The following PRPF8 variants were observed in gnomAD, a reference collection of about 807,000 sequenced individuals.
The protein encoded by PRPF8 is pre-mRNA processing factor 8, also known as pre-mRNA-processing-splicing factor 8.
A neutral mutation model predicts 285.9 loss-of-function variants in PRPF8; 64 were observed. That is an observed-to-expected ratio of 0.22 (90% CI 0.18 to 0.28). PRPF8 has a LOEUF of 0.28. Among genes scored for constraint, PRPF8 ranks in the 10% least tolerant of loss-of-function variants. The pLI, the probability that PRPF8 is intolerant of heterozygous loss-of-function variation, is 1.00. For missense variants in PRPF8, 1,426 were observed against 3,026.7 expected, an observed-to-expected ratio of 0.47 and a Z score of 12.41; for synonymous variants, 1,325 against 1,118.2, an observed-to-expected ratio of 1.18 and a Z score of -3.69.
chr17:1,662,272 T>C (rs1443429413), intron 24 of PRPF8, 119 bp from the exon 25 acceptor site: 2 of 1,148,486 alleles, frequency 1.7e-6, no homozygotes, highest in Non-Finnish European at 1.3e-6. Flanking sequence ...TCAACATCAT[T>C]AGTCACTAGG....
intron 24 of PRPF8, among the ~76,000 whole-genome samples, chr17:1,669,076 G>A (rs1299363086): frequency 6.6e-6 from 1 of 151,942 alleles, no homozygotes; most frequent in African/African-American, 2.4e-5. Context: ...CTATCCCTAG[G>A]GAGACCCTCT....
chr17:1,658,461 T>TA lies in PRPF8; in HGVS notation c.5376+64dup. 1 of 1,613,882 alleles carries TA rather than the reference T, an allele frequency of 6.2e-7. No homozygotes were observed. Among genetic ancestry groups the TA allele is most frequent in the Non-Finnish European group, 8.5e-7 (1 of 1,179,740 alleles). On this transcript the variant is annotated intron_variant, in intron 33 of 42. Coordinates refer to ENST00000304992, the MANE Select transcript of PRPF8 (RefSeq NM_006445.4). The surrounding 1 kb of genome is among the most constrained non-coding windows in gnomAD (Gnocchi z 4.1). ...CTTCTTCCCAGCATGTGTACACACT[T>TA]AGCCCATTACTCTCCCACAGCCATG...
In PRPF8 at chr17:1,661,944, G is replaced by A. The variant is rs1465320548; in HGVS notation, c.3984C>T (p.Leu1328=). The A allele has an allele frequency of 3.1e-6, 5 of 1,614,150 alleles. No individual in the cohort carries two copies. The highest frequency in any genetic ancestry group is 4.2e-6 in the Non-Finnish European group (5 of 1,180,034). The change falls in exon 25 of 43, where the codon CTC becomes CTT. Residue 1328 remains leucine, a synonymous_variant. Transcript: ENST00000304992. The surrounding 1 kb of genome is among the most constrained non-coding windows in gnomAD (Gnocchi z 7.3). ...GGGGGATGAGCACATGGCCCATTGA[G>A]AGCATGCCGAGTCCACCCAACTCCT... ...TPKELGGLGM[L]SMGHVLIPQS...
chr17:1,651,452 T>C lies in PRPF8; in HGVS notation c.6612A>G (p.Pro2204=), dbSNP rs779545202. Residue 2204 remains proline (P), a synonymous_variant, in exon 41 of 43, where the codon CCA becomes CCG. Transcript: ENST00000304992. The surrounding 1 kb of genome is among the most constrained non-coding windows in gnomAD (Gnocchi z 5.1). ...TAATGGTCTTCTCGCCATCCCAAGA[T>C]GGGTTGTCAGCCATGATCTTGGCAT... is the stretch of plus-strand genomic sequence containing the variant. ...TTHAKIMADN[P]SWDGEKTIII... is the part of the protein sequence containing the mutation. The C allele has an allele frequency of 4.3e-6, 7 of 1,614,026 alleles. No individual in the cohort carries two copies. Among genetic ancestry groups the C allele is most frequent in the Non-Finnish European group, 5.9e-6 (7 of 1,180,024 alleles).
In PRPF8 at chr17:1,666,546, C is replaced by CA. The variant is rs1555552060; in HGVS notation, c.3775-4394dup. On this transcript the variant is annotated intron_variant, in intron 24 of 42. Coordinates refer to ENST00000304992, the MANE Select transcript of PRPF8 (RefSeq NM_006445.4). Reference sequence around the variant, plus strand: ...AACCTGGGTCATAGAGACCCCATCTCAAAAAAAAAAAAAATCAATGCAACA... The same window carrying CA: ...AACCTGGGTCATAGAGACCCCATCTCAAAAAAAAAAAAAAATCAATGCAACA... 1.4e-3 allele frequency among the ~76,000 whole-genome samples: 161 copies of CA among 112,762 alleles called. 1 individual carries two copies. The highest frequency in any genetic ancestry group is 5.3e-3 in the South Asian group (18 of 3,414). The allele number at this position is 112,762 out of a possible 152,430, so 74.0% of individuals were successfully genotyped here.
intron 39 of PRPF8, chr17:1,652,639 A>G (rs1911146773): frequency 6.6e-6 from 1 of 151,234 alleles, no homozygotes; most frequent in Non-Finnish European, 1.5e-5. Context: ...ACCACCCTCC[A>G]GGATCAGGTG....
At position 1,678,795 on chromosome 17, in the gene PRPF8, C is replaced by A. The variant is rs1488163667; in HGVS notation, c.1686G>T (p.Val562=). The change falls in exon 12 of 43, where the codon GTG becomes GTT. Residue 562 remains valine, a synonymous_variant. Transcript: ENST00000304992. Reference sequence around the variant, plus strand: ...CATCCACATTGCCCAGCCGATACTGCACGTGACTATCCACCACCAGCTTAG... The same window carrying A: ...CATCCACATTGCCCAGCCGATACTGAACGTGACTATCCACCACCAGCTTAG... ...RLTKLVVDSH[V]QYRLGNVDAF... The A allele has an allele frequency of 6.2e-7, 1 of 1,614,126 alleles. No homozygotes were observed. The highest frequency in any genetic ancestry group is 8.5e-7 in the Non-Finnish European group (1 of 1,180,038).
chr17:1,680,524 A>G (rs2151130867), intron 8 of PRPF8: 2 of 645,506 alleles, frequency 3.1e-6, no homozygotes, highest in South Asian at 3.6e-5. Flanking sequence ...GTAAAGTCCA[A>G]AAGGATAATC....
intron 24 of PRPF8, among the ~76,000 whole-genome samples, chr17:1,670,716 A>C (rs1355006702): frequency 6.6e-6 from 1 of 151,832 alleles, no homozygotes; most frequent in Non-Finnish European, 1.5e-5. Context: ...CAAACTCCTG[A>C]CCTCAGGTGA....
At position 1,675,988 on chromosome 17, in the gene PRPF8, G is replaced by GT; in HGVS notation, c.2618dup (p.Asn873LysfsTer25). On this transcript the variant is annotated frameshift_variant, in exon 18 of 43. Transcript: ENST00000304992. LOFTEE classifies it high-confidence loss of function. This position sits in a 1 kb window ranked among gnomAD's most constrained non-coding sequence, Gnocchi z 6.0. ...TGATGCGGGACAGCGCCTCGTGGGGGTTATCGTAGGCCTGCTCGATCAGAC... is the reference window on the plus strand; with the variant it reads ...TGATGCGGGACAGCGCCTCGTGGGGGTTTATCGTAGGCCTGCTCGATCAGAC... The GT allele has an allele frequency of 6.2e-7, 1 of 1,613,962 alleles. No individual in the cohort carries two copies. The highest frequency in any genetic ancestry group is 8.5e-7 in the Non-Finnish European group (1 of 1,180,034).
Position 1,661,180 on chromosome 17 carries a change from C to T in PRPF8, c.4339-18G>A, listed in dbSNP as rs1911661592. On this transcript the variant is annotated intron_variant, in intron 27 of 42. Coordinates refer to ENST00000304992, the MANE Select transcript of PRPF8 (RefSeq NM_006445.4). This position sits in a 1 kb window ranked among gnomAD's most constrained non-coding sequence, Gnocchi z 7.3. ...TTCAAAACCTAGATGGCAAGGCAGG[C>T]ACGGTCAAGCTTCTGGGTGCCTATT... 6.2e-7 allele frequency: 1 copy of T among 1,614,038 alleles called. No homozygotes were observed. Among genetic ancestry groups the T allele is most frequent in the African/African-American group, 1.3e-5 (1 of 74,922 alleles).
intron 37 of PRPF8, 111 bp downstream of exon 37, chr17:1,655,239 T>G: frequency 2.3e-4 from 281 of 1,233,034 alleles, no homozygotes; most frequent in Non-Finnish European, 2.9e-4. Context: ...ATTACAGGCA[T>G]GAGCCACCGC....
At position 1,681,020 on chromosome 17, in the gene PRPF8, T is replaced by C; in HGVS notation, c.901A>G (p.Lys301Glu). The C allele has an allele frequency of 6.2e-7, 1 of 1,613,226 alleles. No individual in the cohort carries two copies. The highest frequency in any genetic ancestry group is 8.5e-7 in the Non-Finnish European group (1 of 1,179,224). Residue 301 changes from lysine to glutamate, a missense_variant, in exon 7 of 43, where the codon AAG becomes GAG. By Grantham distance (56) the Lys-to-Glu change is moderately conservative. Around this residue, in one of 34 missense-constraint regions of PRPF8, gnomAD observed 157 missense variants for 159.6 expected, o/e 0.98. Transcript: ENST00000304992. ...EDWNEFNDIN[K>E]IIIRQPIRTE... is the part of the protein sequence containing the mutation. ...CGGATAGGCTGCCGGATGATAATCT[T>C]GTTAATATCATTGAATTCATTCCAG...
Position 1,675,215 on chromosome 17 carries a change from G to C in PRPF8, c.2997C>G (p.Leu999=). ...DLTLLNRLLR[L]IVDHNIADYM... ...AGTCGGCTATGTTGTGGTCCACGAT[G>C]AGGCGCAGCAGCCTGTTGAGCAGAG... The change falls in exon 20 of 43, where the codon CTC becomes CTG. Residue 999 remains leucine (L), a synonymous_variant. Transcript: ENST00000304992. This position sits in a 1 kb window ranked among gnomAD's most constrained non-coding sequence, Gnocchi z 6.0. The C allele has an allele frequency of 1.9e-6, 3 of 1,614,178 alleles. No individual in the cohort carries two copies. The highest frequency in any genetic ancestry group is 1.7e-6 in the Non-Finnish European group (2 of 1,180,046).
intron 3 of PRPF8, chr17:1,682,996 C>CTTTTTTTTT (rs1555554634): frequency 5.8e-6 from 1 of 173,622 alleles, no homozygotes; most frequent in African/African-American, 3.0e-5. Context: ...TCTTATTTTT[C>CTTTTTTTTT]ATTTTTTTTT....
chr17:1,660,688 T>G lies in PRPF8; in HGVS notation c.4638+10A>C. On this transcript the variant is annotated intron_variant, in intron 29 of 42. Transcript: ENST00000304992. ...TTTAGCTTCCCCTCTCCAGTGTCAA[T>G]CACACTCACATTGGCTCGATTAATG... The G allele has an allele frequency of 1.2e-6, 2 of 1,614,158 alleles. No homozygotes were observed. Among genetic ancestry groups the G allele is most frequent in the Non-Finnish European group, 1.7e-6 (2 of 1,180,042 alleles).
At chr17:1,680,311 T>C (rs1443518629) in intron 8 of PRPF8, among the ~76,000 whole-genome samples, 1 of 152,198 alleles carries the variant, frequency 6.6e-6, no homozygotes, top group African/African-American at 2.4e-5. Context: ...AAGGGTTTCT[T>C]TCTCAAGTAA....
chr17:1,676,967 G>C lies in PRPF8; in HGVS notation c.2181+9C>G, dbSNP rs1597246171. 2.5e-6 allele frequency: 4 copies of C among 1,613,210 alleles called. No individual in the cohort carries two copies. The African/African-American group carries it at 5.3e-5, about 22-fold the overall frequency. ...GTTTACGCCTCCAAGGAAATAAAGA[G>C]ACACCCACCTTCCAGGGAATGTTGG... is the stretch of plus-strand genomic sequence containing the variant. On this transcript the variant is annotated intron_variant, in intron 15 of 42. Transcript: ENST00000304992. The surrounding 1 kb of genome is among the most constrained non-coding windows in gnomAD (Gnocchi z 6.3).
intron 36 of PRPF8, 76 bp downstream of exon 36, chr17:1,656,316 A>G: frequency 6.3e-7 from 1 of 1,591,538 alleles, no homozygotes; most frequent in South Asian, 1.1e-5. Context: ...GAAAATGGCA[A>G]AAACCTGACA....
Sources: allele counts gnomAD v4.1 joint callset (sites outside exome capture counted in the v4.1 genomes callset), GRCh38; gene constraint gnomAD v4.1.1; regional missense constraint gnomAD v4.1.1; non-coding constraint Gnocchi (gnomAD v3.1); transcripts MANE v1.5; gene names NCBI Gene and HGNC (gene_info 2026-07-23, HGNC 2026-07-21).